Variants in MAZ observed in about 807,000 individuals in gnomAD.
MAZ encodes MYC associated zinc finger protein.
MAZ carries 4 observed loss-of-function variants against 32.7 expected under a neutral mutation model. That is an observed-to-expected ratio of 0.12 (90% CI 0.06 to 0.28). The LOEUF (loss-of-function observed/expected upper bound fraction) is 0.28. MAZ is among the 10% of genes least tolerant of loss of function. The pLI, the probability that MAZ is intolerant of heterozygous loss-of-function variation, is 1.00. For synonymous variants in MAZ, 510 were observed against 297.6 expected (o/e 1.71, Z -7.35); for missense variants, 763 against 667.2 (o/e 1.14, Z -1.58).
In MAZ at chr16:29,807,085, G is replaced by GGCCGCCGCC. The variant is rs1463643548; in HGVS notation, c.305_306insCGCCGCCGC (p.Ala106_Ala108dup). 9.9e-7 allele frequency: 1 copy of GGCCGCCGCC among 1,011,636 alleles called. No homozygotes were observed. Among genetic ancestry groups the GGCCGCCGCC allele is most frequent in the Non-Finnish European group, 1.2e-6 (1 of 846,788 alleles). The allele number at this position is 1,011,636 out of a possible 1,614,324, so 62.7% of individuals were successfully genotyped here. A position where few individuals can be genotyped will look rare whatever the true frequency, so the allele number is the denominator to read the frequency against. The stretch of plus-strand genomic sequence containing the variant: ...CCCAGGAGTCCGCCGCGGCTGCTGC[G>GGCCGCCGCC]GCCGCTGCCGCCGCTGCTGCCGCCG... On this transcript the variant is annotated inframe_insertion, in exon 2 of 5. Coordinates refer to ENST00000322945, the MANE Select transcript of MAZ (RefSeq NM_002383.4).
Position 29,807,929 on chromosome 16 carries a change from C to A in MAZ, c.1043+101C>A, listed in dbSNP as rs765563405. On this transcript the variant is annotated intron_variant, in intron 2 of 4. Coordinates refer to ENST00000322945, the MANE Select transcript of MAZ (RefSeq NM_002383.4). Reference sequence around the variant, plus strand: ...GCGGGGAGGGAGGCGGCTGCTGAGGCTGGGGAAGGGGAGCCACTCCCAGGG... The same window carrying A: ...GCGGGGAGGGAGGCGGCTGCTGAGGATGGGGAAGGGGAGCCACTCCCAGGG... 18 of 1,517,294 alleles carry A rather than the reference C, an allele frequency of 1.2e-5. No homozygotes were observed. The African/African-American group carries it at 2.3e-4, about 20-fold the overall frequency. The allele number at this position is 1,517,294 out of a possible 1,614,324, so 94.0% of individuals were successfully genotyped here.
In MAZ at chr16:29,807,175, T is replaced by A; in HGVS notation, c.390T>A (p.Pro130=). 9.1e-7 allele frequency: 1 copy of A among 1,103,484 alleles called. No homozygotes were observed. The allele number at this position is 1,103,484 out of a possible 1,614,324, so 68.4% of individuals were successfully genotyped here. Residue 130 remains proline (P), a synonymous_variant, in exon 2 of 5, where the codon CCT becomes CCA. Coordinates refer to ENST00000322945, the MANE Select transcript of MAZ (RefSeq NM_002383.4). The part of the protein sequence containing the change: ...STVDTAALKQ[P]PAPPPPPPPV... ...TGGACACAGCGGCCCTGAAGCAGCC[T>A]CCGGCGCCCCCTCCGCCACCCCCGC...
rs201662748 is a variant in MAZ, at chr16:29,810,108, A to C, written c.1311A>C (p.Ala437=). Residue 437 remains alanine, a synonymous_variant, in exon 5 of 5, where the codon GCA becomes GCC. Transcript: ENST00000322945. ...GTGAGGTTTGTCCAATGGCGGCGGC[A>C]GCGGCAGCGGCGGCAGCGGCAGCAG... ...GTGEVCPMAA[A]AAAAAAAAAA... 2.1e-5 allele frequency: 32 copies of C among 1,542,768 alleles called. No individual in the cohort carries two copies. The highest frequency in any genetic ancestry group is 2.5e-5 in the Non-Finnish European group (29 of 1,140,274).
At chr16:29,809,687 G>T (rs773587006) in intron 4 of MAZ, 1 of 1,535,084 alleles carries the variant, frequency 6.5e-7, no homozygotes. Context: ...ACCCATCTGG[G>T]GGGGGCCGCC....
At chr16:29,809,559 C>T (rs1038873817) in intron 4 of MAZ, 14 of 1,611,006 alleles carry the variant, frequency 8.7e-6, no homozygotes, top group South Asian at 2.2e-5. Flanking sequence ...CGGCAGCATA[C>T]CTGCGCATCC....
upstream of MAZ, chr16:29,806,124 A>T: frequency 1.5e-5 from 7 of 481,074 alleles, no homozygotes; most frequent in Admixed American, 4.2e-5. Context: ...AGCGCGAGCC[A>T]CCTCCCTCCC....
intron 2 of MAZ, 80 bp from the exon 3 acceptor site, chr16:29,808,150 C>A: frequency 7.8e-7 from 1 of 1,290,230 alleles, no homozygotes; most frequent in Non-Finnish European, 1.1e-6. Flanking sequence ...CGCAGGGATC[C>A]TCGGAAAGGC....
chr16:29,810,702 G>A lies in MAZ; in HGVS notation c.*471G>A, dbSNP rs1899904692. The A allele has an allele frequency of 6.5e-6, 3 of 459,074 alleles. No individual in the cohort carries two copies. The highest frequency in any genetic ancestry group is 3.5e-5 in the Admixed American group (1 of 28,958). 28.4% of individuals were successfully genotyped at this position (459,074 alleles called of 1,614,324 possible). ...CCAGGGGGAGGGAGGAGAGGAAGGA[G>A]GGGGATCAGAGCTGTCCCAAAGAGG... On this transcript the variant is annotated 3_prime_UTR_variant, in exon 5 of 5. Coordinates refer to ENST00000322945, the MANE Select transcript of MAZ (RefSeq NM_002383.4).
Position 29,810,830 on chromosome 16 carries a change from C to T in MAZ, c.*599C>T. ...GGGTCAGGCCCTGAACATCGTCCTA[C>T]TTGAGAATCTGTCAGGGGAAAAAGT... On this transcript the variant is annotated 3_prime_UTR_variant, in exon 5 of 5. Coordinates refer to ENST00000322945, the MANE Select transcript of MAZ (RefSeq NM_002383.4). 2.9e-6 allele frequency: 1 copy of T among 342,998 alleles called. No individual in the cohort carries two copies. Among genetic ancestry groups the T allele is most frequent in the Non-Finnish European group, 5.7e-6 (1 of 175,428 alleles). 21.2% of individuals were successfully genotyped at this position (342,998 alleles called of 1,614,324 possible).
rs756849104 is a variant in MAZ at position 29,808,671 on chromosome 16, G to C, written c.1209G>C (p.Ser403=). The change falls in exon 4 of 5, where the codon TCG becomes TCC. Residue 403 remains serine (S), a synonymous_variant. Transcript: ENST00000322945. ...ACGTGTGTGGCAAGATGCTGAGCTCGGCTTATATTTCGGACCACATGAAGG... is the reference window on the plus strand; with the variant it reads ...ACGTGTGTGGCAAGATGCTGAGCTCCGCTTATATTTCGGACCACATGAAGG... The part of the protein sequence containing the change: ...PCHVCGKMLS[S]AYISDHMKVH... 1.2e-6 allele frequency: 2 copies of C among 1,613,954 alleles called. No individual in the cohort carries two copies. The highest frequency in any genetic ancestry group is 4.5e-5 in the East Asian group (2 of 44,876).
In MAZ at chr16:29,807,138, C is replaced by T. The variant is rs1899546476; in HGVS notation, c.353C>T (p.Ala118Val). 3.8e-6 allele frequency: 4 copies of T among 1,049,190 alleles called. No individual in the cohort carries two copies. The highest frequency in any genetic ancestry group is 1.7e-5 in the African/African-American group (1 of 58,828). The allele number at this position is 1,049,190 out of a possible 1,614,324, so 65.0% of individuals were successfully genotyped here. A position where few individuals can be genotyped will look rare whatever the true frequency, so the allele number is the denominator to read the frequency against. The part of the protein sequence containing the change: ...AVAAAPPAPA[A>V]ASTVDTAALK... Reference sequence around the variant, plus strand: ...GCTGCCGCGCCCCCGGCCCCTGCCGCCGCCTCTACGGTGGACACAGCGGCC... The same window carrying T: ...GCTGCCGCGCCCCCGGCCCCTGCCGTCGCCTCTACGGTGGACACAGCGGCC... The change falls in exon 2 of 5, where the codon GCC (alanine) becomes GTC (valine). Residue 118 changes from alanine to valine, a missense_variant. Physicochemically the swap from Ala to Val is moderately conservative, Grantham distance 64. Coordinates refer to ENST00000322945, the MANE Select transcript of MAZ (RefSeq NM_002383.4).
At chr16:29,809,011 G>A (rs1163085452) in intron 4 of MAZ, 5 of 554,570 alleles carry the variant, frequency 9.0e-6, no homozygotes, top group Non-Finnish European at 1.6e-5. Flanking sequence ...TCTGGGGAAG[G>A]AGTAGTCAAG....
At chr16:29,809,157 G>T in intron 4 of MAZ, 2 of 492,176 alleles carry the variant, frequency 4.1e-6, no homozygotes, top group Non-Finnish European at 7.2e-6. Context: ...AGAGAAAGCT[G>T]CCTTCAGTCA....
Position 29,810,753 on chromosome 16 carries a change from C to A in MAZ, c.*522C>A. 7.9e-6 allele frequency: 3 copies of A among 379,826 alleles called. No individual in the cohort carries two copies. The highest frequency in any genetic ancestry group is 1.5e-5 in the Non-Finnish European group (3 of 201,242). 23.5% of individuals were successfully genotyped at this position (379,826 alleles called of 1,614,324 possible). A position where few individuals can be genotyped will look rare whatever the true frequency, so the allele number is the denominator to read the frequency against. On this transcript the variant is annotated 3_prime_UTR_variant, in exon 5 of 5. Coordinates refer to ENST00000322945, the MANE Select transcript of MAZ (RefSeq NM_002383.4). ...GAAAGCGGTGAGGTTTGAGGAGGGG[C>A]AGAAGCAGGGCCGGCAAAGGTTGTA...
intron 4 of MAZ, chr16:29,809,367 G>A (rs1000701572): frequency 3.0e-5 from 18 of 600,270 alleles, no homozygotes; most frequent in South Asian, 2.4e-4. Flanking sequence ...CCAGGCTCAG[G>A]GAGGGGCTGT....
chr16:29,809,738 G>A, intron 4 of MAZ: 1 of 1,445,806 alleles, frequency 6.9e-7, no homozygotes, highest in Non-Finnish European at 9.1e-7. Flanking sequence ...CAGCCCACCT[G>A]CTGAGGGGGA....
intron 4 of MAZ, chr16:29,809,116 G>A: frequency 3.9e-6 from 2 of 515,632 alleles, no homozygotes; most frequent in East Asian, 3.3e-5. Flanking sequence ...CACGGGCCGG[G>A]CTTTACCAGC....
chr16:29,809,711 G>C (rs764249244), intron 4 of MAZ: 1 of 1,486,044 alleles, frequency 6.7e-7, no homozygotes, highest in South Asian at 1.3e-5. Flanking sequence ...CCTGTCCCGG[G>C]AGACGCCCCC....
chr16:29,806,980 C>T lies in MAZ; in HGVS notation c.195C>T (p.Ala65=), dbSNP rs2142392535. 2.0e-6 allele frequency: 2 copies of T among 1,025,308 alleles called. No homozygotes were observed. The highest frequency in any genetic ancestry group is 4.4e-5 in the South Asian group (1 of 22,664). 63.5% of individuals were successfully genotyped at this position (1,025,308 alleles called of 1,614,324 possible). ...SQGCAQSPFQ[A]APAPPPTPQA... ...CACTCGGCGCCTTGTCTCCGCAGGC[C>T]GCGCCGGCGCCCCCGCCCACGCCCC... is the stretch of plus-strand genomic sequence containing the variant. Residue 65 remains alanine (A), a splice_region_variant and synonymous_variant, in exon 2 of 5, where the codon GCC becomes GCT. Coordinates refer to ENST00000322945, the MANE Select transcript of MAZ (RefSeq NM_002383.4).
Sources: allele counts gnomAD v4.1 joint callset, GRCh38; gene constraint gnomAD v4.1.1; transcripts MANE v1.5; gene names NCBI Gene and HGNC (gene_info 2026-07-23, HGNC 2026-07-21).